ZNF273: variants seen among roughly 807,000 people sequenced by gnomAD.
ZNF273 encodes zinc finger protein 273.
A neutral mutation model predicts 14.9 loss-of-function variants in ZNF273; 11 were observed. That is an observed-to-expected ratio of 0.74 (90% CI 0.46 to 1.22). The LOEUF (loss-of-function observed/expected upper bound fraction) is 1.22, where lower values mean the gene tolerates loss of function less well. Ranked by LOEUF, ZNF273 falls within the 50% of genes most tolerant of loss-of-function variation. The pLI, the probability that ZNF273 is intolerant of heterozygous loss-of-function variation, is 0.00. For synonymous variants in ZNF273, 199 were observed against 223.9 expected, an observed-to-expected ratio of 0.89 and a Z score of 0.99; for missense variants, 577 against 660.6, an observed-to-expected ratio of 0.87 and a Z score of 1.39.
At position 64,929,066 on chromosome 7, in the gene ZNF273, A is replaced by G; in HGVS notation, c.*28A>G. The G allele has an allele frequency of 7.3e-7, 1 of 1,370,278 alleles. No homozygotes were observed. Among genetic ancestry groups the G allele is most frequent in the Non-Finnish European group, 9.4e-7 (1 of 1,060,008 alleles). 84.9% of individuals were successfully genotyped at this position (1,370,278 alleles called of 1,614,324 possible). On this transcript the variant is annotated 3_prime_UTR_variant, in exon 4 of 4. Transcript: ENST00000476120. ...ATGTGAAGAATGTGACAAAGCCTTT[A>G]AGCGGTTGTCACACTTGATTGTATA...
At chr7:64,894,240 A>G (rs117934726), downstream of ZNF273, among the ~76,000 whole-genome samples, 1,823 of 152,260 alleles carry the variant, frequency 0.012, 18 homozygotes, top group Middle Eastern at 0.058. Flanking sequence ...TCTGACCTCA[A>G]GTGGTGCACC....
chr7:64,935,734 C>A (rs769239067), downstream of ZNF273, among the ~76,000 whole-genome samples: 2 of 152,092 alleles, frequency 1.3e-5, no homozygotes, highest in African/African-American at 2.4e-5. Context: ...ATTGACGAGG[C>A]TGGTCTGGAA....
At chr7:64,925,042 A>AT (rs1231950122) in intron 3 of ZNF273, among the ~76,000 whole-genome samples, 1 of 152,006 alleles carries the variant, frequency 6.6e-6, no homozygotes, top group African/African-American at 2.4e-5. Context: ...ACCTAAGGTG[A>AT]TCCACCGCCT....
chr7:64,918,941 A>G (rs1794229700), intron 3 of ZNF273, among the ~76,000 whole-genome samples: 1 of 152,188 alleles, frequency 6.6e-6, no homozygotes, highest in Non-Finnish European at 1.5e-5. Context: ...TAATTTTGAG[A>G]AACTCTGTGT....
At chr7:64,893,171 GCTCA>G (rs1562951401), downstream of ZNF273, among the ~76,000 whole-genome samples, 2 of 151,998 alleles carry the variant, frequency 1.3e-5, no homozygotes, top group African/African-American at 2.4e-5. Context: ...ACTCTTTTAT[GCTCA>G]CTGTCTGTCA....
At chr7:64,911,026 A>G (rs774879197) in intron 1 of ZNF273, among the ~76,000 whole-genome samples, 1 of 152,056 alleles carries the variant, frequency 6.6e-6, no homozygotes, top group Non-Finnish European at 1.5e-5. Flanking sequence ...TCGGCTTCCC[A>G]AAGTGCTGGG....
downstream of ZNF273, among the ~76,000 whole-genome samples, chr7:64,935,390 C>G (rs1490361508): frequency 1.3e-5 from 2 of 152,096 alleles, no homozygotes; most frequent in African/African-American, 4.8e-5. Flanking sequence ...ATGTTGTTAG[C>G]TGTGCATTTT....
At chr7:64,880,386 G>A (rs555259323), downstream of ZNF273, 3 of 152,072 alleles carry the variant, frequency 2.0e-5, no homozygotes, top group Non-Finnish European at 2.9e-5. Flanking sequence ...TATTCCCTGG[G>A]GCTGCCCTCC....
intron 1 of ZNF273, among the ~76,000 whole-genome samples, chr7:64,910,014 T>G (rs1793379468): frequency 6.6e-6 from 1 of 152,136 alleles, no homozygotes; most frequent in South Asian, 2.1e-4. Context: ...TTCATGCTTT[T>G]TTCCTAGTTT....
chr7:64,935,181 G>C (rs1001041384), downstream of ZNF273, among the ~76,000 whole-genome samples: 30 of 152,130 alleles, frequency 2.0e-4, no homozygotes, highest in African/African-American at 6.3e-4. Flanking sequence ...TGAAGTCTTA[G>C]GCTTTTCTAT....
At chr7:64,917,147 G>T (rs1583998361) in intron 1 of ZNF273, 1 of 1,235,290 alleles carries the variant, frequency 8.1e-7, no homozygotes, top group African/African-American at 1.6e-5. Flanking sequence ...TGGAAACTCA[G>T]ACTTTATTCC....
Position 64,928,090 on chromosome 7 carries a change from A to G in ZNF273, c.762A>G (p.Ile254Met). ...TCTCAAATCTTACTAAACATAAGATAATTCATCCTGAAGTGAATCCCTACA... is the reference window on the plus strand; with the variant it reads ...TCTCAAATCTTACTAAACATAAGATGATTCATCCTGAAGTGAATCCCTACA... ...NQFSNLTKHK[I>M]IHPEVNPYKC... The change falls in exon 4 of 4, where the codon ATA (isoleucine) becomes ATG (methionine). Residue 254 changes from isoleucine (I) to methionine (M), a missense_variant. Transcript: ENST00000476120. 1 of 1,613,592 alleles carries G rather than the reference A, an allele frequency of 6.2e-7. No homozygotes were observed. Among genetic ancestry groups the G allele is most frequent in the Non-Finnish European group, 8.5e-7 (1 of 1,179,624 alleles).
chr7:64,933,285 ATATAT>A (rs1795029639), downstream of ZNF273: 5 of 152,082 alleles, frequency 3.3e-5, no homozygotes. Context: ...ACTTTTCTTA[ATATAT>A]ATTTTTTTGG....
chr7:64,905,420 CTTTTTTTTT>C (rs34374261), intron 1 of ZNF273, among the ~76,000 whole-genome samples: 1,246 of 84,290 alleles, frequency 0.015, 26 homozygotes, highest in African/African-American at 0.046. Context: ...GCTGGCCACA[CTTTTTTTTT>C]TTTTTTTTTT....
chr7:64,933,452 A>C (rs1217569872), downstream of ZNF273: 1 of 152,182 alleles, frequency 6.6e-6, no homozygotes, highest in Admixed American at 6.5e-5. Context: ...TTCTGCCTTC[A>C]CAGAATGGTG....
At chr7:64,906,366 A>T (rs1390596049) in intron 1 of ZNF273, among the ~76,000 whole-genome samples, 1 of 152,212 alleles carries the variant, frequency 6.6e-6, no homozygotes, top group Non-Finnish European at 1.5e-5. Flanking sequence ...AAATTATAAA[A>T]TAATACGTTT....
Position 64,903,283 on chromosome 7 carries a change from G to T in ZNF273, c.-35G>T. The T allele has an allele frequency of 6.5e-7, 1 of 1,549,736 alleles. No individual in the cohort carries two copies. The highest frequency in any genetic ancestry group is 8.9e-7 in the Non-Finnish European group (1 of 1,125,404). ...TTTGGCGGGGCCTTTGTCTCTCGCT[G>T]CAGTCGCAGCTCCAGGTCTCGTCTT... On this transcript the variant is annotated 5_prime_UTR_variant, in exon 1 of 4. Coordinates refer to ENST00000476120, the MANE Select transcript of ZNF273 (RefSeq NM_021148.3).
chr7:64,933,751 A>G (rs1178159805), downstream of ZNF273: 1 of 152,230 alleles, frequency 6.6e-6, no homozygotes, highest in African/African-American at 2.4e-5. Flanking sequence ...TTTAAAAATG[A>G]ATTTTTTGAT....
intron 1 of ZNF273, among the ~76,000 whole-genome samples, chr7:64,916,153 A>G (rs965735042): frequency 6.6e-6 from 1 of 150,958 alleles, no homozygotes; most frequent in Non-Finnish European, 1.5e-5. Context: ...CAGAGATTGC[A>G]TCACTGTACT....
Sources: gnomAD v4.1 joint callset for allele counts (sites outside exome capture counted in the v4.1 genomes callset) on GRCh38, gnomAD v4.1.1 for gene constraint, MANE v1.5 for transcripts, NCBI Gene and HGNC (gene_info 2026-07-23, HGNC 2026-07-21) for gene names.